Variants in AGPAT4 observed in about 807,000 individuals in gnomAD.
AGPAT4 encodes 1-acyl-sn-glycerol-3-phosphate acyltransferase delta.
AGPAT4 carries 15 observed loss-of-function variants against 48.0 expected under a neutral mutation model. That is an observed-to-expected ratio of 0.31 (90% CI 0.21 to 0.48). The LOEUF (loss-of-function observed/expected upper bound fraction) is 0.48, where lower values mean the gene tolerates loss of function less well. Ranked by LOEUF, AGPAT4 falls within the 20% of genes least tolerant of loss-of-function variation. The pLI, the probability that AGPAT4 is intolerant of heterozygous loss-of-function variation, is 0.99. For missense variants in AGPAT4, 314 were observed against 482.5 expected (o/e 0.65, Z 3.27); for synonymous variants, 178 against 198.7 (o/e 0.90, Z 0.88).
rs1040428902 is a variant in AGPAT4, at chr6:161,231,262, G to T, written c.178+774C>A. On this transcript the variant is annotated intron_variant, in intron 2 of 8. Transcript: ENST00000320285. This position sits in a 1 kb window ranked among gnomAD's most constrained non-coding sequence, Gnocchi z 5.3. ...GGCTAATCAATATCAATAGCAAAAT[G>T]CATTTCTGGATGTCCCAATACACTC... Among the ~76,000 whole-genome samples, 7 of 152,100 alleles carry T rather than the reference G, an allele frequency of 4.6e-5. No homozygotes were observed. Among genetic ancestry groups the T allele is most frequent in the African/African-American group, 1.4e-4 (6 of 41,402 alleles).
chr6:161,234,194 C>T lies in AGPAT4; in HGVS notation c.-89-1892G>A, dbSNP rs1255188563. 6.6e-6 allele frequency among the ~76,000 whole-genome samples: 1 copy of T among 152,106 alleles called. No individual in the cohort carries two copies. Among genetic ancestry groups the T allele is most frequent in the Non-Finnish European group, 1.5e-5 (1 of 68,026 alleles). ...GGTTGGCTCTGAGGATGGTTTCGGG[C>T]ATATGGAGAGTCACAGGGAGGCATG... On this transcript the variant is annotated intron_variant, in intron 1 of 8. Transcript: ENST00000320285. This position sits in a 1 kb window ranked among gnomAD's most constrained non-coding sequence, Gnocchi z 4.4.
chr6:161,141,221 CCATTAA>C lies in AGPAT4; in HGVS notation c.844-1607_844-1602del, dbSNP rs1779239546. On this transcript the variant is annotated intron_variant, in intron 7 of 8. Coordinates refer to ENST00000320285, the MANE Select transcript of AGPAT4 (RefSeq NM_020133.3). This position sits in a 1 kb window ranked among gnomAD's most constrained non-coding sequence, Gnocchi z 6.7. The stretch of plus-strand genomic sequence containing the variant: ...TGCTCTGTCCTCGGCCCCCTGCAGC[CCATTAA>C]CAAGCCTGGTCCGAAGCGTCACTTG... Among the ~76,000 whole-genome samples, 1 of 152,070 alleles carries C rather than the reference CCATTAA, an allele frequency of 6.6e-6. No individual in the cohort carries two copies. The highest frequency in any genetic ancestry group is 2.4e-5 in the African/African-American group (1 of 41,382).
rs928907503 is a variant in AGPAT4 at position 161,243,899 on chromosome 6, C to T, written c.-89-11597G>A. On this transcript the variant is annotated intron_variant, in intron 1 of 8. Transcript: ENST00000320285. The surrounding 1 kb of genome is among the most constrained non-coding windows in gnomAD (Gnocchi z 4.8). ...AGTGACTCCTAAGATCCTCAAAGCC[C>T]ACTCACAAGTTTTAATGAAATGATT... Among the ~76,000 whole-genome samples the T allele has an allele frequency of 1.3e-5, 2 of 152,208 alleles. No individual in the cohort carries two copies. Among genetic ancestry groups the T allele is most frequent in the South Asian group, 2.1e-4 (1 of 4,830 alleles).
intron 1 of AGPAT4, among the ~76,000 whole-genome samples, chr6:161,248,027 G>C (rs1229266349): frequency 6.9e-6 from 1 of 144,332 alleles, no homozygotes; most frequent in Non-Finnish European, 1.5e-5. Context: ...ACAGCAATTA[G>C]GCAAGAGAAA....
In AGPAT4 at chr6:161,214,862, G is replaced by T. The variant is rs1015823546; in HGVS notation, c.178+17174C>A. Among the ~76,000 whole-genome samples, 2 of 152,128 alleles carry T rather than the reference G, an allele frequency of 1.3e-5. No homozygotes were observed. The highest frequency in any genetic ancestry group is 4.8e-5 in the African/African-American group (2 of 41,432). ...CTTAGCAGACACCGTTGTAAATGTG[G>T]TCTACTGCCTGAAAAGTCATTATGG... is the stretch of plus-strand genomic sequence containing the variant. On this transcript the variant is annotated intron_variant, in intron 2 of 8. Transcript: ENST00000320285. This position sits in a 1 kb window ranked among gnomAD's most constrained non-coding sequence, Gnocchi z 5.4.
chr6:161,229,547 A>T lies in AGPAT4; in HGVS notation c.178+2489T>A, dbSNP rs1742404467. Among the ~76,000 whole-genome samples the T allele has an allele frequency of 2.6e-5, 4 of 152,158 alleles. No individual in the cohort carries two copies. The South Asian group carries it at 8.3e-4, about 32-fold the overall frequency. ...TCTGTCAATTATTTAGAGCAAGGAA[A>T]AGGAACCAGGAAAAGCGAACAGCCC... On this transcript the variant is annotated intron_variant, in intron 2 of 8. Transcript: ENST00000320285. The surrounding 1 kb of genome is among the most constrained non-coding windows in gnomAD (Gnocchi z 6.0).
At position 161,255,931 on chromosome 6, in the gene AGPAT4, A is replaced by T. The variant is rs1782931469; in HGVS notation, c.-90+18007T>A. ...AAAGAAAAAAACACTGGCCCCACAG[A>T]AGACAAAACATAAGCAGAGTCAGCC... is the stretch of plus-strand genomic sequence containing the variant. On this transcript the variant is annotated intron_variant, in intron 1 of 8. Coordinates refer to ENST00000320285, the MANE Select transcript of AGPAT4 (RefSeq NM_020133.3). This position sits in a 1 kb window ranked among gnomAD's most constrained non-coding sequence, Gnocchi z 4.7. Among the ~76,000 whole-genome samples, 1 of 152,200 alleles carries T rather than the reference A, an allele frequency of 6.6e-6. No individual in the cohort carries two copies. The highest frequency in any genetic ancestry group is 1.5e-5 in the Non-Finnish European group (1 of 68,040).
chr6:161,192,765 T>G (rs1780962279), intron 2 of AGPAT4, among the ~76,000 whole-genome samples: 1 of 152,210 alleles, frequency 6.6e-6, no homozygotes, highest in Non-Finnish European at 1.5e-5. Flanking sequence ...TTCTTGGAAG[T>G]TATTTTTGCT....
At position 161,139,144 on chromosome 6, in the gene AGPAT4, G is replaced by A. The variant is rs1189160377; in HGVS notation, c.1042+278C>T. 4.6e-5 allele frequency among the ~76,000 whole-genome samples: 7 copies of A among 152,204 alleles called. No individual in the cohort carries two copies. In the East Asian group the frequency reaches 1.2e-3, roughly 25 times the overall value. On this transcript the variant is annotated intron_variant, in intron 8 of 8. Coordinates refer to ENST00000320285, the MANE Select transcript of AGPAT4 (RefSeq NM_020133.3). The surrounding 1 kb of genome is among the most constrained non-coding windows in gnomAD (Gnocchi z 9.1). Reference sequence around the variant, plus strand: ...GGGAGGGAGCACTCCCAGCTGTCGGGGAGTGAAGTGGCAGCTGCATCACCA... The same window carrying A: ...GGGAGGGAGCACTCCCAGCTGTCGGAGAGTGAAGTGGCAGCTGCATCACCA...
chr6:161,240,996 G>A lies in AGPAT4; in HGVS notation c.-89-8694C>T, dbSNP rs1016352732. 3.9e-5 allele frequency among the ~76,000 whole-genome samples: 6 copies of A among 152,014 alleles called. No homozygotes were observed. The highest frequency in any genetic ancestry group is 1.9e-4 in the East Asian group (1 of 5,188). On this transcript the variant is annotated intron_variant, in intron 1 of 8. Coordinates refer to ENST00000320285, the MANE Select transcript of AGPAT4 (RefSeq NM_020133.3). This position sits in a 1 kb window ranked among gnomAD's most constrained non-coding sequence, Gnocchi z 5.5. Reference sequence around the variant, plus strand: ...ATAATCATCATCGGCCAGGTGCAGCGGCTCACACCTGTAATCCCAGCACTT... The same window carrying A: ...ATAATCATCATCGGCCAGGTGCAGCAGCTCACACCTGTAATCCCAGCACTT...
At chr6:161,203,649 C>G (rs1393977778) in intron 2 of AGPAT4, among the ~76,000 whole-genome samples, 1 of 152,102 alleles carries the variant, frequency 6.6e-6, no homozygotes, top group African/African-American at 2.4e-5. Flanking sequence ...CCGCCCACCT[C>G]AACCTCCCAA....
rs1046295739 is a variant in AGPAT4 at position 161,138,686 on chromosome 6, G to A, written c.1042+736C>T. 6.6e-6 allele frequency among the ~76,000 whole-genome samples: 1 copy of A among 152,142 alleles called. No homozygotes were observed. Among genetic ancestry groups the A allele is most frequent in the Non-Finnish European group, 1.5e-5 (1 of 68,038 alleles). ...TGGAAGAAGCACGTGATCTCTGTGT[G>A]CTTGGACAATGTGCCGTCTCTCCCG... On this transcript the variant is annotated intron_variant, in intron 8 of 8. Coordinates refer to ENST00000320285, the MANE Select transcript of AGPAT4 (RefSeq NM_020133.3). The surrounding 1 kb of genome is among the most constrained non-coding windows in gnomAD (Gnocchi z 4.8).
chr6:161,151,038 TG>T (rs2114963212), intron 5 of AGPAT4, among the ~76,000 whole-genome samples: 1 of 152,294 alleles, frequency 6.6e-6, no homozygotes, highest in East Asian at 1.9e-4. Flanking sequence ...CTTGTCCAAC[TG>T]TCTCATTTTC....
rs113487814 is a variant in AGPAT4, at chr6:161,139,187, G to A, written c.1042+235C>T. Among the ~76,000 whole-genome samples, 6,602 of 152,268 alleles carry A rather than the reference G, an allele frequency of 0.043. 185 individuals carry two copies. The highest frequency in any genetic ancestry group is 0.05 in the Non-Finnish European group (3,370 of 68,004). On this transcript the variant is annotated intron_variant, in intron 8 of 8. Coordinates refer to ENST00000320285, the MANE Select transcript of AGPAT4 (RefSeq NM_020133.3). This position sits in a 1 kb window ranked among gnomAD's most constrained non-coding sequence, Gnocchi z 9.1. Reference sequence around the variant, plus strand: ...CATCACCACCCAACAGGGAACGTGTGGAATCCAGCCCCAGGTGGGAGGCTG... The same window carrying A: ...CATCACCACCCAACAGGGAACGTGTAGAATCCAGCCCCAGGTGGGAGGCTG...
At chr6:161,199,409 T>C (rs1781160330) in intron 2 of AGPAT4, among the ~76,000 whole-genome samples, 1 of 152,178 alleles carries the variant, frequency 6.6e-6, no homozygotes, top group Non-Finnish European at 1.5e-5. Flanking sequence ...AATCAAATAC[T>C]AGGTGTGTCT....
intron 2 of AGPAT4, among the ~76,000 whole-genome samples, chr6:161,193,394 G>A (rs1190553491): frequency 1.3e-5 from 2 of 152,156 alleles, no homozygotes; most frequent in Non-Finnish European, 2.9e-5. Context: ...TCTGACATGT[G>A]CCACATGCTC....
Position 161,232,191 on chromosome 6 carries a change from T to G in AGPAT4, c.23A>C (p.Lys8Thr). The G allele has an allele frequency of 1.9e-6, 3 of 1,614,068 alleles. No homozygotes were observed. The highest frequency in any genetic ancestry group is 2.2e-5 in the East Asian group (1 of 44,874). ...GACCAGGTGGCACAGGAACTGAGAC[T>G]TCAGCAGTCCCGCGAGGTCCATGAT... is the stretch of plus-strand genomic sequence containing the variant. MDLAGLL[K>T]SQFLCHLVFC... The change falls in exon 2 of 9, where the codon AAG becomes ACG. Residue 8 changes from lysine (K) to threonine (T), a missense_variant. Physicochemically the swap from Lys to Thr is moderately conservative, Grantham distance 78. Coordinates refer to ENST00000320285, the MANE Select transcript of AGPAT4 (RefSeq NM_020133.3). The surrounding 1 kb of genome is among the most constrained non-coding windows in gnomAD (Gnocchi z 6.8).
rs899922411 is a variant in AGPAT4 at position 161,155,414 on chromosome 6, G to A, written c.349-1104C>T. On this transcript the variant is annotated intron_variant, in intron 3 of 8. Coordinates refer to ENST00000320285, the MANE Select transcript of AGPAT4 (RefSeq NM_020133.3). This position sits in a 1 kb window ranked among gnomAD's most constrained non-coding sequence, Gnocchi z 5.8. ...GGATGCCCACAGCGCAGAGAGCTCC[G>A]GCTTCAACACAGCCCTCTCTCCTCT... Among the ~76,000 whole-genome samples, 19 of 152,226 alleles carry A rather than the reference G, an allele frequency of 1.2e-4. No homozygotes were observed. The highest frequency in any genetic ancestry group is 6.8e-3 in the Middle Eastern group (2 of 294).
Position 161,204,677 on chromosome 6 carries a change from G to T in AGPAT4, c.178+27359C>A, listed in dbSNP as rs566645229. 6.6e-6 allele frequency among the ~76,000 whole-genome samples: 1 copy of T among 152,066 alleles called. No individual in the cohort carries two copies. The highest frequency in any genetic ancestry group is 2.1e-4 in the South Asian group (1 of 4,806). ...GATGTATGGTTGTTTGTCATCAGCA[G>T]CTGTTAAAAAAAAATGTTCCCTAAA... On this transcript the variant is annotated intron_variant, in intron 2 of 8. Transcript: ENST00000320285. This position sits in a 1 kb window ranked among gnomAD's most constrained non-coding sequence, Gnocchi z 4.4.
Sources: allele counts gnomAD v4.1 joint callset (sites outside exome capture counted in the v4.1 genomes callset), GRCh38; gene constraint gnomAD v4.1.1; non-coding constraint Gnocchi (gnomAD v3.1); transcripts MANE v1.5; gene names NCBI Gene and HGNC (gene_info 2026-07-23, HGNC 2026-07-21).